Variants in AKAP6 observed in about 807,000 individuals in gnomAD.
AKAP6 encodes the protein A-kinase anchoring protein 6.
AKAP6 carries 58 observed loss-of-function variants against 188.5 expected under a neutral mutation model. That is an observed-to-expected ratio of 0.31 (90% CI 0.25 to 0.38). AKAP6 has a LOEUF of 0.38. Ranked by LOEUF, AKAP6 falls within the 10% of genes least tolerant of loss-of-function variation. The pLI is 1.00. For synonymous variants in AKAP6, 989 were observed against 998.6 expected, an observed-to-expected ratio of 0.99 and a Z score of 0.18; for missense variants, 2,710 against 2,740.0, an observed-to-expected ratio of 0.99 and a Z score of 0.24.
At chr14:32,772,671 A>G (rs557764064) in intron 11 of AKAP6, among the ~76,000 whole-genome samples, 2 of 152,310 alleles carry the variant, frequency 1.3e-5, no homozygotes, top group South Asian at 4.1e-4. Flanking sequence ...ATGAAGCCTT[A>G]TCTAGATTAA....
intron 4 of AKAP6, among the ~76,000 whole-genome samples, chr14:32,549,967 G>A (rs967748498): frequency 2.0e-5 from 3 of 152,230 alleles, no homozygotes; most frequent in Admixed American, 2.0e-4. Context: ...CTGTGATGTG[G>A]ATCAGGCAAG....
chr14:32,483,001 A>AT (rs1172945025), intron 2 of AKAP6, among the ~76,000 whole-genome samples: 1 of 68,834 alleles, frequency 1.5e-5, no homozygotes, highest in Non-Finnish European at 3.1e-5. Context: ...ATATATATAT[A>AT]TATATATATA....
intron 1 of AKAP6, among the ~76,000 whole-genome samples, chr14:32,429,794 G>A (rs1305630635): frequency 6.6e-6 from 1 of 152,228 alleles, no homozygotes; most frequent in Non-Finnish European, 1.5e-5. Flanking sequence ...CATCTAGTTA[G>A]AAGTTTTATA....
intron 12 of AKAP6, among the ~76,000 whole-genome samples, chr14:32,781,110 G>T (rs1175366912): frequency 6.6e-6 from 1 of 150,838 alleles, no homozygotes; most frequent in Non-Finnish European, 1.5e-5. Context: ...ATAGAAGACA[G>T]AAAAAATAAT....
chr14:32,738,661 G>A (rs1219067658), intron 11 of AKAP6, among the ~76,000 whole-genome samples: 1 of 152,078 alleles, frequency 6.6e-6, no homozygotes, highest in African/African-American at 2.4e-5. Flanking sequence ...AATCCCCATA[G>A]CAACCAGCAG....
intron 5 of AKAP6, among the ~76,000 whole-genome samples, chr14:32,592,027 C>T (rs1238409083): frequency 6.6e-6 from 1 of 152,196 alleles, no homozygotes; most frequent in Non-Finnish European, 1.5e-5. Context: ...AACATGACAG[C>T]TCATTTACAT....
intron 12 of AKAP6, among the ~76,000 whole-genome samples, chr14:32,777,054 C>G (rs1037567762): frequency 3.9e-5 from 6 of 152,186 alleles, no homozygotes; most frequent in African/African-American, 1.2e-4. Flanking sequence ...AAACCCTCAT[C>G]ATTCACAAGG....
At chr14:32,588,179 T>G (rs1366943099) in intron 5 of AKAP6, among the ~76,000 whole-genome samples, 2 of 152,244 alleles carry the variant, frequency 1.3e-5, no homozygotes, top group African/African-American at 2.4e-5. Context: ...TAAGGATTAT[T>G]TAGTTCATAT....
At chr14:32,683,892 C>T (rs1436001325) in intron 8 of AKAP6, among the ~76,000 whole-genome samples, 1 of 152,096 alleles carries the variant, frequency 6.6e-6, no homozygotes, top group Non-Finnish European at 1.5e-5. Context: ...GCTAAGACAA[C>T]AGCAATAGAA....
chr14:32,684,173 A>G (rs1159119854), intron 8 of AKAP6, among the ~76,000 whole-genome samples: 1 of 147,316 alleles, frequency 6.8e-6, no homozygotes, highest in African/African-American at 2.5e-5. Flanking sequence ...TGGCTTCCTC[A>G]GCCAACATTA....
At chr14:32,441,117 G>A (rs538048687) in intron 2 of AKAP6, among the ~76,000 whole-genome samples, 3 of 152,258 alleles carry the variant, frequency 2.0e-5, no homozygotes, top group African/African-American at 7.2e-5. Flanking sequence ...TCCAAACCAT[G>A]AGAAATAAAT....
At chr14:32,369,759 T>C (rs17484812) in intron 1 of AKAP6, among the ~76,000 whole-genome samples, 52,039 of 152,164 alleles carry the variant, frequency 0.34, 9,897 homozygotes, top group Admixed American at 0.42. Flanking sequence ...AAACAAAATG[T>C]GTAAGTTCCC....
intron 2 of AKAP6, among the ~76,000 whole-genome samples, chr14:32,488,261 C>T (rs1879810025): frequency 6.6e-6 from 1 of 152,216 alleles, no homozygotes; most frequent in South Asian, 2.1e-4. Flanking sequence ...AGTCTGGCCA[C>T]AGCAGCTTTT....
intron 11 of AKAP6, among the ~76,000 whole-genome samples, chr14:32,741,253 G>A (rs1355261936): frequency 6.6e-6 from 1 of 151,900 alleles, no homozygotes; most frequent in Non-Finnish European, 1.5e-5. Context: ...GAATTTATCA[G>A]TTTGAATAGG....
chr14:32,763,083 A>G (rs2032593678), intron 11 of AKAP6, among the ~76,000 whole-genome samples: 1 of 152,150 alleles, frequency 6.6e-6, no homozygotes, highest in South Asian at 2.1e-4. Context: ...ATTTTGGCAC[A>G]CTACCCAACT....
At chr14:32,769,220 A>G (rs1273771847) in intron 11 of AKAP6, among the ~76,000 whole-genome samples, 3 of 150,424 alleles carry the variant, frequency 2.0e-5, no homozygotes, top group African/African-American at 7.3e-5. Flanking sequence ...GCTAATTTTT[A>G]TATTTTTAAT....
chr14:32,701,575 A>G (rs1594861889), intron 9 of AKAP6, among the ~76,000 whole-genome samples: 1 of 152,270 alleles, frequency 6.6e-6, no homozygotes, highest in Non-Finnish European at 1.5e-5. Context: ...AGAATTAGAA[A>G]TTCTGAGGAA....
intron 5 of AKAP6, among the ~76,000 whole-genome samples, chr14:32,592,319 A>G (rs1885519035): frequency 6.6e-6 from 1 of 152,216 alleles, no homozygotes; most frequent in Admixed American, 6.5e-5. Context: ...AACACAACGT[A>G]GTATGTGAAG....
chr14:32,782,311 G>GA (rs34747026), intron 12 of AKAP6, among the ~76,000 whole-genome samples: 18,406 of 151,958 alleles, frequency 0.12, 1,424 homozygotes, highest in Middle Eastern at 0.23. Flanking sequence ...TACTCAATAG[G>GA]AAAAAACAGA....
Sources: allele counts gnomAD v4.1 joint callset (sites outside exome capture counted in the v4.1 genomes callset), GRCh38; gene constraint gnomAD v4.1.1; transcripts MANE v1.5; gene names NCBI Gene and HGNC (gene_info 2026-07-23, HGNC 2026-07-21).